Variants in CFAP418 observed in about 807,000 individuals in gnomAD.
CFAP418 encodes cilia and flagella associated protein 418, also known as cilia- and flagella-associated protein 418.
In CFAP418, 27 loss-of-function variants were observed where a neutral mutation model predicts 24.7. That is an observed-to-expected ratio of 1.09 (90% CI 0.81 to 1.51). CFAP418 has a LOEUF of 1.51. Among genes scored for constraint, CFAP418 ranks in the 40% most tolerant of loss-of-function variants. CFAP418 has a pLI of 0.00. For synonymous variants in CFAP418, 74 were observed against 87.3 expected (o/e 0.85, Z 0.85); for missense variants, 257 against 255.2 (o/e 1.01, Z -0.05).
At chr8:95,268,027 A>C (rs1259650275) in intron 1 of CFAP418, among the ~76,000 whole-genome samples, 1 of 152,298 alleles carries the variant, frequency 6.6e-6, no homozygotes, top group South Asian at 2.1e-4. Flanking sequence ...TTAAATTTCC[A>C]TATGTATGTC....
intron 4 of CFAP418, among the ~76,000 whole-genome samples, chr8:95,253,735 T>C (rs1209066124): frequency 2.0e-5 from 3 of 151,798 alleles, no homozygotes; most frequent in Admixed American, 6.6e-5. Flanking sequence ...ACAACTACAT[T>C]TGTACACATT....
chr8:95,269,193 GAATCGCCTGGCCTTTTCCCCTCC>G (rs777180208), exon 1 of CFAP418: 7 of 1,614,002 alleles, frequency 4.3e-6, no homozygotes, highest in Non-Finnish European at 5.9e-6. Context: ...CCGCCATCTT[GAATCGCCTGGCCTTTTCCCCTCC>G]AATCGCCAAG....
chr8:95,257,668 G>A (rs960301725), intron 4 of CFAP418, among the ~76,000 whole-genome samples: 1 of 152,112 alleles, frequency 6.6e-6, no homozygotes, highest in East Asian at 1.9e-4. Flanking sequence ...ATAGCACAAT[G>A]CTTACTCATG....
chr8:95,265,766 C>T (rs1053509644), intron 1 of CFAP418, among the ~76,000 whole-genome samples: 1 of 152,146 alleles, frequency 6.6e-6, no homozygotes, highest in Non-Finnish European at 1.5e-5. Flanking sequence ...TTCAAAATGC[C>T]TACACTTGCC....
intron 4 of CFAP418, 93 bp downstream of exon 4, chr8:95,259,747 G>C: frequency 1.1e-6 from 1 of 904,500 alleles, no homozygotes; most frequent in Non-Finnish European, 1.8e-6. Context: ...TTATAAAACA[G>C]ATTGATGTGA....
intron 4 of CFAP418, among the ~76,000 whole-genome samples, chr8:95,258,231 A>G (rs1442053636): frequency 2.6e-5 from 4 of 151,862 alleles, no homozygotes; most frequent in African/African-American, 4.8e-5. Context: ...AAATACAAAA[A>G]ATTAGCCGGG....
intron 4 of CFAP418, among the ~76,000 whole-genome samples, chr8:95,253,798 A>G (rs1472609366): frequency 1.3e-5 from 2 of 151,300 alleles, no homozygotes; most frequent in African/African-American, 4.9e-5. Context: ...ATAGTTCCCA[A>G]AGCTACTATG....
At chr8:95,254,545 AC>A (rs1346992146) in intron 4 of CFAP418, among the ~76,000 whole-genome samples, 2 of 152,236 alleles carry the variant, frequency 1.3e-5, no homozygotes, top group Non-Finnish European at 2.9e-5. Context: ...AGAGGGAATC[AC>A]ACATAAGATG....
intron 5 of CFAP418, 59 bp from the exon 6 acceptor site, chr8:95,247,829 A>G: frequency 7.5e-7 from 1 of 1,328,364 alleles, no homozygotes; most frequent in Non-Finnish European, 1.0e-6. Context: ...TAATGATTAA[A>G]AAAAAAAAAA....
At chr8:95,259,273 T>C (rs1811846942) in intron 4 of CFAP418, among the ~76,000 whole-genome samples, 1 of 152,200 alleles carries the variant, frequency 6.6e-6, no homozygotes, top group Admixed American at 6.5e-5. Flanking sequence ...TGGAATGTGC[T>C]AGGACTATGG....
In CFAP418 at chr8:95,245,773, G is replaced by A. The variant is rs899877978; in HGVS notation, c.*1844C>T. The A allele has an allele frequency of 1.3e-5, 2 of 152,026 alleles. No individual in the cohort carries two copies. The highest frequency in any genetic ancestry group is 4.8e-5 in the African/African-American group (2 of 41,392). The allele number at this position is 152,026 out of a possible 1,614,324, so 9.4% of individuals were successfully genotyped here. ...TTTTTTTTTTCAAATTAGTGATTTA[G>A]TAAATTTGCTTACTGGAATAAAAAA... On this transcript the variant is annotated 3_prime_UTR_variant, in exon 6 of 6. Transcript: ENST00000286688.
At chr8:95,252,138 A>G (rs1466746734) in intron 5 of CFAP418, 50 bp downstream of exon 5, 2 of 1,388,554 alleles carry the variant, frequency 1.4e-6, no homozygotes, top group Admixed American at 3.5e-5. Flanking sequence ...AAAATAGGAA[A>G]TATAAACTAC....
intron 1 of CFAP418, 73 bp from the exon 2 acceptor site, chr8:95,263,847 T>C: frequency 1.2e-6 from 1 of 854,816 alleles, no homozygotes; most frequent in South Asian, 1.5e-5. Context: ...CAGAAGAGTT[T>C]TGCTTAAAGT....
intron 2 of CFAP418, among the ~76,000 whole-genome samples, chr8:95,261,656 T>C (rs1472751063): frequency 6.6e-6 from 1 of 152,204 alleles, no homozygotes; most frequent in Non-Finnish European, 1.5e-5. Context: ...ACCTGCTGTC[T>C]CCTTTGAAGG....
At chr8:95,259,781 TG>T in intron 4 of CFAP418, 58 bp downstream of exon 4, 1 of 1,194,910 alleles carries the variant, frequency 8.4e-7, no homozygotes, top group Non-Finnish European at 1.2e-6. Flanking sequence ...ATTTTAACAA[TG>T]GGGCATCCAT....
intron 4 of CFAP418, among the ~76,000 whole-genome samples, chr8:95,252,733 A>T (rs185466344): frequency 2.6e-5 from 4 of 152,344 alleles, no homozygotes; most frequent in Admixed American, 6.5e-5. Context: ...AAGCGCTGGG[A>T]AAAGATTGTA....
intron 2 of CFAP418, among the ~76,000 whole-genome samples, chr8:95,262,937 T>C (rs927768891): frequency 2.0e-5 from 3 of 152,094 alleles, no homozygotes; most frequent in African/African-American, 2.4e-5. Context: ...ATCAGGGAAG[T>C]GGATAAACTG....
intron 4 of CFAP418, among the ~76,000 whole-genome samples, chr8:95,259,570 T>C (rs991945922): frequency 1.3e-5 from 2 of 152,154 alleles, no homozygotes; most frequent in African/African-American, 4.8e-5. Flanking sequence ...CACTCTCCTG[T>C]GTCCTGTGGA....
At chr8:95,254,479 T>C (rs1046151450) in intron 4 of CFAP418, among the ~76,000 whole-genome samples, 3 of 152,186 alleles carry the variant, frequency 2.0e-5, no homozygotes, top group Admixed American at 1.3e-4. Context: ...GCATATCTAA[T>C]ATAAAGTCAT....
Sources: gnomAD v4.1 joint callset for allele counts (sites outside exome capture counted in the v4.1 genomes callset) on GRCh38, gnomAD v4.1.1 for gene constraint, MANE v1.5 for transcripts, NCBI Gene and HGNC (gene_info 2026-07-23, HGNC 2026-07-21) for gene names.